Variants in ZNF276 observed in about 807,000 individuals in gnomAD.
ZNF276 encodes centromere protein Z.
A neutral mutation model predicts 63.9 loss-of-function variants in ZNF276; 59 were observed. That is an observed-to-expected ratio of 0.92 (90% CI 0.75 to 1.15). ZNF276 has a LOEUF of 1.15. Ranked by LOEUF, ZNF276 falls within the 50% of genes most tolerant of loss-of-function variation. The pLI, the probability that ZNF276 is intolerant of heterozygous loss-of-function variation, is 0.00. For missense variants in ZNF276, 1,084 were observed against 843.8 expected (o/e 1.28, Z -3.53); for synonymous variants, 496 against 348.4 (o/e 1.42, Z -4.72).
intron 9 of ZNF276, among the ~76,000 whole-genome samples, chr16:89,735,389 TCTTA>T (rs1210005999): frequency 6.6e-6 from 1 of 152,196 alleles, no homozygotes; most frequent in East Asian, 1.9e-4. Context: ...AATTATTTAT[TCTTA>T]CTTGAATTTA....
In ZNF276 at chr16:89,722,865, G is replaced by A. The variant is rs771438329; in HGVS notation, c.509+31G>A. 2.0e-5 allele frequency: 32 copies of A among 1,588,998 alleles called. No homozygotes were observed. In the Admixed American group the frequency reaches 5.2e-4, roughly 26 times the overall value. ...CCCTAGTCTGTTCAGAGCACGTTCA[G>A]GCTGTCAGTACTGCAGTGTGACGGG... On this transcript the variant is annotated intron_variant, in intron 2 of 10. Coordinates refer to ENST00000443381, the MANE Select transcript of ZNF276 (RefSeq NM_001113525.2).
At position 89,733,373 on chromosome 16, in the gene ZNF276, G is replaced by T; in HGVS notation, c.1241G>T (p.Gly414Val). ...SEEPRIRKKP[G>V]PKPGWKKKLR... is the part of the protein sequence containing the mutation. Reference sequence around the variant, plus strand: ...GAACCAAGAATTCGGAAGAAGCCGGGACCCAAGCCCGGATGGAAGAAGAAG... The same window carrying T: ...GAACCAAGAATTCGGAAGAAGCCGGTACCCAAGCCCGGATGGAAGAAGAAG... The change falls in exon 7 of 11, where the codon GGA becomes GTA. Residue 414 changes from glycine to valine, a missense_variant. Physicochemically the swap from Gly to Val is moderately radical, Grantham distance 109 (BLOSUM62 -3). Coordinates refer to ENST00000443381, the MANE Select transcript of ZNF276 (RefSeq NM_001113525.2). 6.2e-7 allele frequency: 1 copy of T among 1,614,184 alleles called. No homozygotes were observed. The highest frequency in any genetic ancestry group is 1.1e-5 in the South Asian group (1 of 91,088).
At chr16:89,731,266 G>C (rs957477445) in intron 6 of ZNF276, among the ~76,000 whole-genome samples, 10 of 152,328 alleles carry the variant, frequency 6.6e-5, no homozygotes, top group Middle Eastern at 6.8e-3. Context: ...TTTTTGTCTT[G>C]TTTCTGAGAT....
rs777199893 is a variant in ZNF276 at position 89,733,293 on chromosome 16, T to C, written c.1170-9T>C. On this transcript the variant is annotated splice_polypyrimidine_tract_variant and intron_variant, in intron 6 of 10. Coordinates refer to ENST00000443381, the MANE Select transcript of ZNF276 (RefSeq NM_001113525.2). ...GAAACCATTGAATTTGGGAACCTCT[T>C]TTTTTCAGAGTCTCTGGTAAGAAGA... 43 of 1,610,170 alleles carry C rather than the reference T, an allele frequency of 2.7e-5. No homozygotes were observed. The highest frequency in any genetic ancestry group is 1.9e-4 in the Admixed American group (11 of 58,702).
Position 89,733,306 on chromosome 16 carries a change from T to C in ZNF276, c.1174T>C (p.Ser392Pro), listed in dbSNP as rs1431446674. The change falls in exon 7 of 11, where the codon TCT becomes CCT. Residue 392 changes from serine to proline, a missense_variant. Transcript: ENST00000443381. ...SFEPYPERKV[S>P]GKKSESKEAK... is the part of the protein sequence containing the mutation. ...TTGGGAACCTCTTTTTTTCAGAGTC[T>C]CTGGTAAGAAGAGTGAAAGCAAAGA... 6.2e-7 allele frequency: 1 copy of C among 1,612,754 alleles called. No individual in the cohort carries two copies. The highest frequency in any genetic ancestry group is 8.5e-7 in the Non-Finnish European group (1 of 1,179,736).
At position 89,739,000 on chromosome 16, in the gene ZNF276, A is replaced by T; in HGVS notation, c.*754A>T. 6.2e-7 allele frequency: 1 copy of T among 1,614,180 alleles called. No individual in the cohort carries two copies. Among genetic ancestry groups the T allele is most frequent in the Non-Finnish European group, 8.5e-7 (1 of 1,180,038 alleles). On this transcript the variant is annotated 3_prime_UTR_variant, in exon 11 of 11. Transcript: ENST00000443381. ...CTAGAGAGAAAACAGGCAAACTCACAGGTTAGAAGACATACAGAAACAGGG... is the reference window on the plus strand; with the variant it reads ...CTAGAGAGAAAACAGGCAAACTCACTGGTTAGAAGACATACAGAAACAGGG...
chr16:89,733,809 T>C (rs2061757634), intron 8 of ZNF276, 112 bp from the exon 9 acceptor site: 2 of 1,013,542 alleles, frequency 2.0e-6, no homozygotes, highest in African/African-American at 1.8e-5. Context: ...GTGGTGTCGC[T>C]GGAGGAGGAG....
chr16:89,739,672 G>A lies in ZNF276; in HGVS notation c.*1426G>A, dbSNP rs1205719925. The A allele has an allele frequency of 1.3e-6, 2 of 1,511,368 alleles. No homozygotes were observed. The highest frequency in any genetic ancestry group is 1.4e-5 in the African/African-American group (1 of 72,322). The allele number at this position is 1,511,368 out of a possible 1,614,324, so 93.6% of individuals were successfully genotyped here. A position where few individuals can be genotyped will look rare whatever the true frequency, so the allele number is the denominator to read the frequency against. ...GAGGCCTGGCTGTGGGGATAGTGTGGGGCGAACAGCCTGAGCTGAGGATAC... is the reference window on the plus strand; with the variant it reads ...GAGGCCTGGCTGTGGGGATAGTGTGAGGCGAACAGCCTGAGCTGAGGATAC... On this transcript the variant is annotated 3_prime_UTR_variant, in exon 11 of 11. Coordinates refer to ENST00000443381, the MANE Select transcript of ZNF276 (RefSeq NM_001113525.2).
intron 6 of ZNF276, chr16:89,731,556 T>G (rs2061652280): frequency 1.3e-5 from 2 of 152,286 alleles, no homozygotes; most frequent in African/African-American, 4.8e-5. Context: ...CCGGCCTCAA[T>G]GCACTCTTTA....
Position 89,729,323 on chromosome 16 carries a change from G to A in ZNF276, c.1169+5G>A. 1 of 1,614,034 alleles carries A rather than the reference G, an allele frequency of 6.2e-7. No individual in the cohort carries two copies. On this transcript the variant is annotated splice_donor_5th_base_variant and intron_variant, in intron 6 of 10. Transcript: ENST00000443381. ...TGAGCCTTACCCAGAAAGGAAGTAAGTGGGCAGCCCGGGGTCTGCTGGAGG... is the reference window on the plus strand; with the variant it reads ...TGAGCCTTACCCAGAAAGGAAGTAAATGGGCAGCCCGGGGTCTGCTGGAGG...
At chr16:89,733,795 G>A in intron 8 of ZNF276, 126 bp from the exon 9 acceptor site, 3 of 942,022 alleles carry the variant, frequency 3.2e-6, no homozygotes, top group East Asian at 2.4e-5. Flanking sequence ...CTGTGAAGGA[G>A]CCAGTGGTGT....
In ZNF276 at chr16:89,740,744, T is replaced by A; in HGVS notation, c.*2498T>A. 2 of 1,463,254 alleles carry A rather than the reference T, an allele frequency of 1.4e-6. No homozygotes were observed. The highest frequency in any genetic ancestry group is 1.9e-6 in the Non-Finnish European group (2 of 1,048,924). The allele number at this position is 1,463,254 out of a possible 1,614,324, so 90.6% of individuals were successfully genotyped here. ...AACCCTGACTTGGAAGCTGGCTGCC[T>A]GGTGCCCCTGCCTGGCCCACAGTGG... On this transcript the variant is annotated 3_prime_UTR_variant, in exon 11 of 11. Coordinates refer to ENST00000443381, the MANE Select transcript of ZNF276 (RefSeq NM_001113525.2).
chr16:89,720,710 G>T, upstream of ZNF276: 14 of 1,347,354 alleles, frequency 1.0e-5, no homozygotes, highest in Non-Finnish European at 1.3e-5. Context: ...CCGGGCGGGG[G>T]TCCCTCCAGG....
At chr16:89,722,302 G>T (rs559666609) in intron 1 of ZNF276, among the ~76,000 whole-genome samples, 1 of 152,344 alleles carries the variant, frequency 6.6e-6, no homozygotes, top group South Asian at 2.1e-4. Flanking sequence ...AAGTTGCTTC[G>T]CTGGAGAGGC....
rs1402850223 is a variant in ZNF276 at position 89,721,569 on chromosome 16, C to G, written c.-72C>G. The G allele has an allele frequency of 1.4e-6, 2 of 1,401,568 alleles. No individual in the cohort carries two copies. The highest frequency in any genetic ancestry group is 3.1e-5 in the East Asian group (1 of 32,516). The allele number at this position is 1,401,568 out of a possible 1,614,324, so 86.8% of individuals were successfully genotyped here. A position where few individuals can be genotyped will look rare whatever the true frequency, so the allele number is the denominator to read the frequency against. On this transcript the variant is annotated 5_prime_UTR_variant, in exon 1 of 11. Coordinates refer to ENST00000443381, the MANE Select transcript of ZNF276 (RefSeq NM_001113525.2). Reference sequence around the variant, plus strand: ...CTCGCTTCCAGCGCGCCGAGCGGAGCCTAACGCCGGGTCCTCTAGGAACCT... The same window carrying G: ...CTCGCTTCCAGCGCGCCGAGCGGAGGCTAACGCCGGGTCCTCTAGGAACCT...
At chr16:89,730,292 A>G (rs907209915) in intron 6 of ZNF276, among the ~76,000 whole-genome samples, 4 of 152,140 alleles carry the variant, frequency 2.6e-5, no homozygotes, top group Non-Finnish European at 5.9e-5. Flanking sequence ...CCCAGGAGTC[A>G]TGGCTGGGAG....
intron 5 of ZNF276, 35 bp from the exon 6 acceptor site, chr16:89,729,200 C>T (rs758183443): frequency 1.9e-6 from 3 of 1,600,964 alleles, no homozygotes. Context: ...TGCCCAGGCC[C>T]AGGGCTTTGC....
chr16:89,734,154 C>T (rs573393172), intron 9 of ZNF276, 116 bp downstream of exon 9: 2 of 919,138 alleles, frequency 2.2e-6, no homozygotes, highest in Admixed American at 2.2e-5. Context: ...GAAGGTGGCT[C>T]ATGGGGTCTT....
intron 9 of ZNF276, among the ~76,000 whole-genome samples, chr16:89,736,484 C>G (rs1024970046): frequency 1.3e-5 from 2 of 151,822 alleles, no homozygotes; most frequent in Non-Finnish European, 2.9e-5. Flanking sequence ...GCCACCACAC[C>G]TGGCTAATTT....
Sources: gnomAD v4.1 joint callset for allele counts (sites outside exome capture counted in the v4.1 genomes callset) on GRCh38, gnomAD v4.1.1 for gene constraint, MANE v1.5 for transcripts, NCBI Gene and HGNC (gene_info 2026-07-23, HGNC 2026-07-21) for gene names.